EPB41L5: variants seen among roughly 807,000 people sequenced by gnomAD.
The protein encoded by EPB41L5 is band 4.1-like protein 5.
A neutral mutation model predicts 106.6 loss-of-function variants in EPB41L5; 55 were observed. The ratio of observed to expected loss-of-function variants is 0.52; its 90% CI spans 0.42 to 0.65. The LOEUF (loss-of-function observed/expected upper bound fraction) is 0.65. Ranked by LOEUF, EPB41L5 falls within the 30% of genes least tolerant of loss-of-function variation. The pLI, the probability that EPB41L5 is intolerant of heterozygous loss-of-function variation, is 0.00. For synonymous variants in EPB41L5, 297 were observed against 306.7 expected, an observed-to-expected ratio of 0.97 and a Z score of 0.33; for missense variants, 871 against 882.1, an observed-to-expected ratio of 0.99 and a Z score of 0.16.
At chr2:120,061,031 GTTTTTTT>G (rs375754153) in intron 3 of EPB41L5, among the ~76,000 whole-genome samples, 7 of 69,098 alleles carry the variant, frequency 1.0e-4, no homozygotes, top group South Asian at 6.6e-4. Context: ...GTTCAGGGAA[GTTTTTTT>G]TTTTTTTTTT....
chr2:120,168,194 A>G lies in EPB41L5; in HGVS notation c.2135+187A>G, dbSNP rs1687502378. On this transcript the variant is annotated intron_variant, in intron 24 of 24. Coordinates refer to ENST00000263713, the MANE Select transcript of EPB41L5 (RefSeq NM_020909.4). The stretch of plus-strand genomic sequence containing the variant: ...TTTCTTGTCAGTAGCAATTTTCTAC[A>G]AAACTGTATTAGCGTTTCTTTATCA... Among the ~76,000 whole-genome samples the G allele has an allele frequency of 3.9e-5, 6 of 152,360 alleles. No individual in the cohort carries two copies. The South Asian group carries it at 1.2e-3, about 32-fold the overall frequency.
intron 16 of EPB41L5, among the ~76,000 whole-genome samples, chr2:120,113,190 G>T (rs1324562293): frequency 6.6e-6 from 1 of 152,200 alleles, no homozygotes; most frequent in Non-Finnish European, 1.5e-5. Context: ...AAACTTAAGT[G>T]TCTGAGGTTT....
intron 10 of EPB41L5, among the ~76,000 whole-genome samples, chr2:120,083,548 G>A (rs1200632364): frequency 6.6e-6 from 1 of 152,218 alleles, no homozygotes; most frequent in Non-Finnish European, 1.5e-5. Context: ...TGGAATAAGT[G>A]CAATGTGGTG....
At position 120,048,522 on chromosome 2, in the gene EPB41L5, T is replaced by C. The variant is rs193126172; in HGVS notation, c.285+6412T>C. On this transcript the variant is annotated intron_variant, in intron 3 of 24. Coordinates refer to ENST00000263713, the MANE Select transcript of EPB41L5 (RefSeq NM_020909.4). ...GTGGTGATATCCCCTTTATCATTTT[T>C]TATTGCGTCTATTTGATTCTTCTGT... Among the ~76,000 whole-genome samples, 766 of 152,302 alleles carry C rather than the reference T, an allele frequency of 5.0e-3. 6 individuals carry two copies. The highest frequency in any genetic ancestry group is 5.9e-3 in the Non-Finnish European group (399 of 68,030).
At chr2:120,151,168 C>G (rs532709894) in intron 20 of EPB41L5, among the ~76,000 whole-genome samples, 2 of 151,854 alleles carry the variant, frequency 1.3e-5, no homozygotes, top group Non-Finnish European at 2.9e-5. Context: ...AAAAATTAGC[C>G]GGGTGCCTGT....
At chr2:120,054,796 A>G (rs1313972345) in intron 3 of EPB41L5, among the ~76,000 whole-genome samples, 2 of 151,648 alleles carry the variant, frequency 1.3e-5, no homozygotes, top group Admixed American at 6.6e-5. Flanking sequence ...TCTATTTACT[A>G]TAGACTATAG....
rs1375121262 is a variant in EPB41L5 at position 120,075,369 on chromosome 2, T to C, written c.408-107T>C. On this transcript the variant is annotated intron_variant, in intron 5 of 24. Coordinates refer to ENST00000263713, the MANE Select transcript of EPB41L5 (RefSeq NM_020909.4). ...ACTATGCACATCTTTTATACATTAA[T>C]ACAAGTAATTTTTAATGAAATAATA... 7 of 808,446 alleles carry C rather than the reference T, an allele frequency of 8.7e-6. No homozygotes were observed. In the East Asian group the frequency reaches 1.8e-4, roughly 21 times the overall value. 50.1% of individuals were successfully genotyped at this position (808,446 alleles called of 1,614,324 possible). A position where few individuals can be genotyped will look rare whatever the true frequency, so the allele number is the denominator to read the frequency against.
intron 14 of EPB41L5, among the ~76,000 whole-genome samples, chr2:120,095,227 GTTATA>G (rs1277632892): frequency 6.6e-6 from 1 of 152,070 alleles, no homozygotes; most frequent in Non-Finnish European, 1.5e-5. Flanking sequence ...GTTGTTAATT[GTTATA>G]TTATCCTGAT....
chr2:120,102,175 A>G (rs1464469477), intron 16 of EPB41L5, among the ~76,000 whole-genome samples: 3 of 152,184 alleles, frequency 2.0e-5, no homozygotes, highest in Non-Finnish European at 4.4e-5. Context: ...TTGGGATACT[A>G]TATTACGACA....
intron 18 of EPB41L5, 61 bp from the exon 19 acceptor site, chr2:120,142,935 TCTATTTC>T: frequency 7.2e-7 from 1 of 1,395,244 alleles, no homozygotes; most frequent in South Asian, 1.2e-5. Flanking sequence ...CTTTCATCAG[TCTATTTC>T]CTATTTCCAT....
At chr2:120,036,202 C>CT (rs1376701163) in intron 2 of EPB41L5, among the ~76,000 whole-genome samples, 4 of 152,272 alleles carry the variant, frequency 2.6e-5, no homozygotes, top group African/African-American at 9.6e-5. Context: ...ATTTCCTACC[C>CT]TTCCTCCACC....
At chr2:120,105,114 C>A in intron 16 of EPB41L5, 1 of 978,642 alleles carries the variant, frequency 1.0e-6, no homozygotes, top group East Asian at 1.1e-4. Flanking sequence ...AAGCCAAAAC[C>A]ATATGATTTT....
intron 10 of EPB41L5, among the ~76,000 whole-genome samples, chr2:120,079,566 A>G (rs1682498471): frequency 6.6e-6 from 1 of 152,122 alleles, no homozygotes; most frequent in South Asian, 2.1e-4. Flanking sequence ...GACCACCCCT[A>G]TCAGGCAACC....
intron 16 of EPB41L5, chr2:120,105,840 G>T: frequency 1.0e-6 from 1 of 984,958 alleles, no homozygotes; most frequent in Middle Eastern, 5.2e-4. Flanking sequence ...AGAGGAATTT[G>T]GATTATAACA....
At chr2:120,113,941 T>C (rs1312173045) in intron 16 of EPB41L5, among the ~76,000 whole-genome samples, 1 of 152,240 alleles carries the variant, frequency 6.6e-6, no homozygotes, top group African/African-American at 2.4e-5. Context: ...TTTTTGTGAA[T>C]GATGCTATGA....
chr2:120,064,435 C>G (rs748898879), intron 3 of EPB41L5, among the ~76,000 whole-genome samples: 1 of 152,072 alleles, frequency 6.6e-6, no homozygotes, highest in African/African-American at 2.4e-5. Flanking sequence ...TGTTAACAGA[C>G]CATATTTAAC....
intron 20 of EPB41L5, among the ~76,000 whole-genome samples, chr2:120,157,751 G>A (rs4849832): frequency 0.65 from 94,929 of 147,044 alleles, 31,728 homozygotes; most frequent in Middle Eastern, 0.74. Context: ...CCTGGGAAAC[G>A]GAGTGAGACC....
chr2:120,061,058 T>TTTTTTTAAG (rs869213241), intron 3 of EPB41L5, among the ~76,000 whole-genome samples: 1 of 139,202 alleles, frequency 7.2e-6, no homozygotes, highest in Non-Finnish European at 1.6e-5. Flanking sequence ...TTTTTTTTTT[T>TTTTTTTAAG]GAGAAGGAGT....
intron 20 of EPB41L5, among the ~76,000 whole-genome samples, chr2:120,149,877 T>TG (rs1200520498): frequency 6.0e-5 from 9 of 150,014 alleles, no homozygotes; most frequent in African/African-American, 2.2e-4. Context: ...TACACTCTCA[T>TG]GGTATTTCAC....
Sources: gnomAD v4.1 joint callset for allele counts (sites outside exome capture counted in the v4.1 genomes callset) on GRCh38, gnomAD v4.1.1 for gene constraint, MANE v1.5 for transcripts, NCBI Gene and HGNC (gene_info 2026-07-23, HGNC 2026-07-21) for gene names.